COL23A1: variants seen among roughly 807,000 people sequenced by gnomAD.
The protein encoded by COL23A1 is collagen alpha-1(XXIII) chain.
COL23A1 carries 97 observed loss-of-function variants against 99.3 expected under a neutral mutation model. The ratio of observed to expected loss-of-function variants is 0.98; its 90% CI spans 0.83 to 1.16. The LOEUF is 1.16. Among genes scored for constraint, COL23A1 ranks in the 50% most tolerant of loss-of-function variants. COL23A1 has a pLI of 0.00. For missense variants in COL23A1, 762 were observed against 757.4 expected, an observed-to-expected ratio of 1.01 and a Z score of -0.07; for synonymous variants, 320 against 308.2, an observed-to-expected ratio of 1.04 and a Z score of -0.40.
intron 2 of COL23A1, among the ~76,000 whole-genome samples, chr5:178,364,655 C>T (rs1038842236): frequency 4.6e-5 from 7 of 152,286 alleles, no homozygotes; most frequent in Admixed American, 3.9e-4. Flanking sequence ...GGAACTCACC[C>T]GGCCCAGCAG....
chr5:178,441,805 T>C (rs971598364), intron 2 of COL23A1, among the ~76,000 whole-genome samples: 4 of 152,194 alleles, frequency 2.6e-5, no homozygotes, highest in Non-Finnish European at 5.9e-5. Flanking sequence ...AAACATTCTG[T>C]GCCATTTGCC....
chr5:178,590,190 G>A lies in COL23A1; in HGVS notation c.8C>T (p.Pro3Leu). MG[P>L]GERAGGGGDA... ...GCCGCCGCCACCGGCGCGCTCGCCT[G>A]GGCCCATGGCGCGTTCGTCGCGCGT... Residue 3 changes from proline (P) to leucine (L), a missense_variant, in exon 1 of 29, where the codon CCA becomes CTA. Coordinates refer to ENST00000390654, the MANE Select transcript of COL23A1 (RefSeq NM_173465.4). This position sits in a 1 kb window ranked among gnomAD's most constrained non-coding sequence, Gnocchi z 5.7. 1 of 1,216,294 alleles carries A rather than the reference G, an allele frequency of 8.2e-7. No individual in the cohort carries two copies. The highest frequency in any genetic ancestry group is 1.0e-6 in the Non-Finnish European group (1 of 980,932). The allele number at this position is 1,216,294 out of a possible 1,614,324, so 75.3% of individuals were successfully genotyped here. A position where few individuals can be genotyped will look rare whatever the true frequency, so the allele number is the denominator to read the frequency against.
intron 2 of COL23A1, among the ~76,000 whole-genome samples, chr5:178,459,804 A>AT (rs1401381974): frequency 6.6e-6 from 1 of 152,002 alleles, no homozygotes; most frequent in African/African-American, 2.4e-5. Context: ...TTCAAATAAG[A>AT]TTTTTTTCCC....
At chr5:178,436,233 C>T (rs1235936872) in intron 2 of COL23A1, among the ~76,000 whole-genome samples, 1 of 152,142 alleles carries the variant, frequency 6.6e-6, no homozygotes, top group Non-Finnish European at 1.5e-5. Context: ...GGAGGGGATG[C>T]TGAGTCCCAA....
chr5:178,303,046 G>A (rs1758156476), intron 3 of COL23A1, among the ~76,000 whole-genome samples: 1 of 152,226 alleles, frequency 6.6e-6, no homozygotes, highest in Admixed American at 6.5e-5. Context: ...TGTTGCCCAG[G>A]CTGGAGTGCA....
At chr5:178,284,658 A>G (rs763627989) in intron 5 of COL23A1, among the ~76,000 whole-genome samples, 14 of 152,266 alleles carry the variant, frequency 9.2e-5, no homozygotes, top group Non-Finnish European at 1.6e-4. Flanking sequence ...TAAATAATTT[A>G]ACTTTGAGAC....
chr5:178,493,375 A>G (rs1160372058), intron 2 of COL23A1, among the ~76,000 whole-genome samples: 1 of 152,232 alleles, frequency 6.6e-6, no homozygotes, highest in Non-Finnish European at 1.5e-5. Flanking sequence ...TAGTGGCCTC[A>G]GGGCTATTCC....
intron 2 of COL23A1, among the ~76,000 whole-genome samples, chr5:178,448,558 C>T (rs1429234976): frequency 6.6e-6 from 1 of 152,246 alleles, no homozygotes; most frequent in Non-Finnish European, 1.5e-5. Flanking sequence ...GACCTAGCAT[C>T]TGGCAAGGGC....
At chr5:178,416,542 G>A (rs1765322132) in intron 2 of COL23A1, among the ~76,000 whole-genome samples, 1 of 152,166 alleles carries the variant, frequency 6.6e-6, no homozygotes, top group Admixed American at 6.5e-5. Flanking sequence ...AGAGGGAGAT[G>A]GGTGGCTTCC....
chr5:178,488,190 A>T (rs1757736542), intron 2 of COL23A1, among the ~76,000 whole-genome samples: 1 of 152,192 alleles, frequency 6.6e-6, no homozygotes, highest in African/African-American at 2.4e-5. Context: ...GGTCTGGGTG[A>T]TCTGGTGCAC....
At chr5:178,454,703 CCTCA>C (rs2127877416) in intron 2 of COL23A1, among the ~76,000 whole-genome samples, 1 of 152,362 alleles carries the variant, frequency 6.6e-6, no homozygotes, top group South Asian at 2.1e-4. Context: ...GAGACCACAT[CCTCA>C]CTCCTGTGCA....
At chr5:178,334,298 G>C (rs1760199791) in intron 2 of COL23A1, among the ~76,000 whole-genome samples, 1 of 152,220 alleles carries the variant, frequency 6.6e-6, no homozygotes, top group Non-Finnish European at 1.5e-5. Flanking sequence ...ACAATTCTCT[G>C]AGATCAGTCT....
intron 27 of COL23A1, among the ~76,000 whole-genome samples, chr5:178,240,273 G>A (rs576869484): frequency 2.0e-5 from 3 of 152,206 alleles, no homozygotes; most frequent in Non-Finnish European, 4.4e-5. Context: ...CTCAGACACT[G>A]GGCATCCCCT....
chr5:178,309,021 C>G lies in COL23A1; in HGVS notation c.362-2102G>C, dbSNP rs1285919486. Among the ~76,000 whole-genome samples, 1 of 152,196 alleles carries G rather than the reference C, an allele frequency of 6.6e-6. No individual in the cohort carries two copies. The highest frequency in any genetic ancestry group is 1.5e-5 in the Non-Finnish European group (1 of 68,032). ...CCAGCGAAGCAGTAGGCCCCGGGCC[C>G]CAGGCAGAGTGAGGGGGCATGGCAG... On this transcript the variant is annotated intron_variant, in intron 2 of 28. Transcript: ENST00000390654. This position sits in a 1 kb window ranked among gnomAD's most constrained non-coding sequence, Gnocchi z 4.7.
At chr5:178,317,538 C>A (rs1759045327) in intron 2 of COL23A1, among the ~76,000 whole-genome samples, 1 of 152,176 alleles carries the variant, frequency 6.6e-6, no homozygotes, top group Non-Finnish European at 1.5e-5. Flanking sequence ...TCAAAATTAC[C>A]TTTTGTTGGA....
At chr5:178,512,620 C>A (rs890653724) in intron 2 of COL23A1, among the ~76,000 whole-genome samples, 2 of 152,146 alleles carry the variant, frequency 1.3e-5, no homozygotes, top group African/African-American at 4.8e-5. Context: ...GTGCCCTGGG[C>A]GGCACCCTCT....
chr5:178,459,814 C>T (rs1756016912), intron 2 of COL23A1, among the ~76,000 whole-genome samples: 1 of 151,830 alleles, frequency 6.6e-6, no homozygotes, highest in South Asian at 2.1e-4. Context: ...ATTTTTTTCC[C>T]TAAACAATTT....
intron 3 of COL23A1, among the ~76,000 whole-genome samples, chr5:178,298,500 G>A (rs1346272363): frequency 6.6e-6 from 1 of 152,206 alleles, no homozygotes; most frequent in Non-Finnish European, 1.5e-5. Flanking sequence ...ACCAGGAGGT[G>A]AGGGCTGGCT....
At chr5:178,358,430 T>C (rs1336379731) in intron 2 of COL23A1, among the ~76,000 whole-genome samples, 1 of 115,174 alleles carries the variant, frequency 8.7e-6, no homozygotes, top group Non-Finnish European at 2.0e-5. Flanking sequence ...TGTGTGTATG[T>C]GTATGTGTGT....
Sources: gnomAD v4.1 joint callset for allele counts (sites outside exome capture counted in the v4.1 genomes callset) on GRCh38, gnomAD v4.1.1 for gene constraint, Gnocchi (gnomAD v3.1) non-coding constraint, MANE v1.5 for transcripts, NCBI Gene and HGNC (gene_info 2026-07-23, HGNC 2026-07-21) for gene names.